SLC25A21: variants seen among roughly 807,000 people sequenced by gnomAD.
SLC25A21 encodes solute carrier family 25 member 21.
In SLC25A21, 47 loss-of-function variants were observed where a neutral mutation model predicts 43.8. That is an observed-to-expected ratio of 1.07 (90% CI 0.85 to 1.37). SLC25A21 has a LOEUF of 1.37. Among genes scored for constraint, SLC25A21 ranks in the 40% most tolerant of loss-of-function variants. The pLI, the probability that SLC25A21 is intolerant of heterozygous loss-of-function variation, is 0.00. For missense variants in SLC25A21, 352 were observed against 350.2 expected, an observed-to-expected ratio of 1.00 and a Z score of -0.04; for synonymous variants, 131 against 121.3, an observed-to-expected ratio of 1.08 and a Z score of -0.52.
At chr14:36,884,846 A>G (rs1420933024) in intron 1 of SLC25A21, among the ~76,000 whole-genome samples, 3 of 151,868 alleles carry the variant, frequency 2.0e-5, no homozygotes, top group Non-Finnish European at 4.4e-5. Flanking sequence ...CTATTATTTG[A>G]GTTCCTTATA....
At chr14:36,880,438 C>A (rs1890681893) in intron 1 of SLC25A21, among the ~76,000 whole-genome samples, 1 of 152,160 alleles carries the variant, frequency 6.6e-6, no homozygotes, top group African/African-American at 2.4e-5. Flanking sequence ...GAAACAGGAG[C>A]TCCCTGAACT....
chr14:36,952,053 A>G (rs113183768), intron 1 of SLC25A21, among the ~76,000 whole-genome samples: 10,321 of 151,926 alleles, frequency 0.068, 497 homozygotes, highest in Middle Eastern at 0.16. Context: ...GGCCAACATG[A>G]TGAAACCCCA....
At chr14:36,872,033 A>C (rs1482816093) in intron 2 of SLC25A21, among the ~76,000 whole-genome samples, 1 of 152,194 alleles carries the variant, frequency 6.6e-6, no homozygotes, top group Admixed American at 6.5e-5. Flanking sequence ...GAAAGATAGG[A>C]TTGTATTCAC....
At chr14:36,736,632 A>T (rs577011357) in intron 3 of SLC25A21, among the ~76,000 whole-genome samples, 1 of 152,074 alleles carries the variant, frequency 6.6e-6, no homozygotes, top group South Asian at 2.1e-4. Flanking sequence ...TAGGAAAAAA[A>T]AAATAAAGAG....
chr14:37,079,759 C>A (rs1049365125), intron 1 of SLC25A21, among the ~76,000 whole-genome samples: 3 of 152,190 alleles, frequency 2.0e-5, no homozygotes, highest in African/African-American at 7.2e-5. Flanking sequence ...TCAGTTGGAA[C>A]ATGCCATTAT....
intron 4 of SLC25A21, among the ~76,000 whole-genome samples, chr14:36,730,142 C>A (rs567630466): frequency 1.2e-4 from 19 of 152,278 alleles, no homozygotes; most frequent in Admixed American, 3.9e-4. Context: ...CTGTCCTCAA[C>A]CTGAATGAAG....
intron 1 of SLC25A21, among the ~76,000 whole-genome samples, chr14:36,982,771 G>A (rs778165393): frequency 2.0e-5 from 3 of 152,046 alleles, no homozygotes; most frequent in Middle Eastern, 3.4e-3. Flanking sequence ...CCAAAACGGC[G>A]ACACTGCACT....
chr14:37,139,844 T>A (rs911696626), intron 1 of SLC25A21, among the ~76,000 whole-genome samples: 1 of 152,230 alleles, frequency 6.6e-6, no homozygotes, highest in African/African-American at 2.4e-5. Context: ...GAGCATTTAA[T>A]TCACCAACAG....
chr14:37,013,767 C>CTTCTT, intron 1 of SLC25A21, among the ~76,000 whole-genome samples: 1 of 152,028 alleles, frequency 6.6e-6, no homozygotes, highest in African/African-American at 2.4e-5. Context: ...GCCTTCTTTC[C>CTTCTT]TTCTTTTCTT....
intron 1 of SLC25A21, among the ~76,000 whole-genome samples, chr14:36,991,345 T>C (rs576339231): frequency 1.3e-5 from 2 of 152,310 alleles, no homozygotes; most frequent in South Asian, 4.1e-4. Context: ...CTTTACATTC[T>C]GCCACGGTGA....
chr14:36,839,224 T>C (rs1184001500), intron 2 of SLC25A21, among the ~76,000 whole-genome samples: 2 of 152,192 alleles, frequency 1.3e-5, no homozygotes, highest in East Asian at 3.9e-4. Flanking sequence ...GAAATCCTCA[T>C]AGGATTAACA....
intron 2 of SLC25A21, among the ~76,000 whole-genome samples, chr14:36,840,093 T>C (rs952000287): frequency 3.3e-5 from 5 of 152,152 alleles, no homozygotes; most frequent in Non-Finnish European, 5.9e-5. Context: ...AGCACACAGG[T>C]GGCCTTCCAC....
At position 36,679,720 on chromosome 14, in the gene SLC25A21, C is replaced by A; in HGVS notation, c.*938G>T. The stretch of plus-strand genomic sequence containing the variant: ...CCTGAAAATGCAGTTCTGTTCTATA[C>A]ATTCTTCCTAAAAATGGCACAGGTA... On this transcript the variant is annotated 3_prime_UTR_variant, in exon 10 of 10. Coordinates refer to ENST00000331299, the MANE Select transcript of SLC25A21 (RefSeq NM_030631.4). The A allele has an allele frequency of 1.0e-6, 1 of 985,404 alleles. No individual in the cohort carries two copies. The highest frequency in any genetic ancestry group is 1.2e-6 in the Non-Finnish European group (1 of 829,916). 61.0% of individuals were successfully genotyped at this position (985,404 alleles called of 1,614,324 possible). A position where few individuals can be genotyped will look rare whatever the true frequency, so the allele number is the denominator to read the frequency against.
At position 36,813,985 on chromosome 14, in the gene SLC25A21, A is replaced by G. The variant is rs1377504379; in HGVS notation, c.136T>C (p.Cys46Arg). Reference protein sequence around the residue: ...VVKTRFQIQRCATDPNSYKSL... With the variant: ...VVKTRFQIQRRATDPNSYKSL... ...TTATAACTGTTTGGATCGGTTGCACATCTCTGAATCTGAAACCTAGAAGCA... is the reference window on the plus strand; with the variant it reads ...TTATAACTGTTTGGATCGGTTGCACGTCTCTGAATCTGAAACCTAGAAGCA... Residue 46 changes from cysteine to arginine, a missense_variant, in exon 3 of 10, where the codon TGT (cysteine) becomes CGT (arginine). Coordinates refer to ENST00000331299, the MANE Select transcript of SLC25A21 (RefSeq NM_030631.4). 1 of 1,603,358 alleles carries G rather than the reference A, an allele frequency of 6.2e-7. No individual in the cohort carries two copies. Among genetic ancestry groups the G allele is most frequent in the Non-Finnish European group, 8.5e-7 (1 of 1,177,548 alleles).
At chr14:37,028,977 C>T (rs1394634678) in intron 1 of SLC25A21, among the ~76,000 whole-genome samples, 1 of 152,170 alleles carries the variant, frequency 6.6e-6, no homozygotes. Flanking sequence ...CTAGTCCTTG[C>T]CAATTATTCT....
intron 3 of SLC25A21, among the ~76,000 whole-genome samples, chr14:36,799,927 A>C (rs904357332): frequency 1.3e-5 from 2 of 152,198 alleles, no homozygotes; most frequent in African/African-American, 4.8e-5. Flanking sequence ...TATTCCTCAA[A>C]TAACTTGATT....
intron 3 of SLC25A21, among the ~76,000 whole-genome samples, chr14:36,797,206 T>G (rs1341635659): frequency 1.3e-5 from 2 of 152,220 alleles, no homozygotes; most frequent in African/African-American, 2.4e-5. Flanking sequence ...AATAGTTTGA[T>G]TAGTTATTTT....
At chr14:36,829,663 G>C (rs1043856334) in intron 2 of SLC25A21, among the ~76,000 whole-genome samples, 2 of 152,132 alleles carry the variant, frequency 1.3e-5, no homozygotes, top group Non-Finnish European at 2.9e-5. Context: ...CCATATCACA[G>C]TTACAATTCT....
At chr14:36,704,730 T>C (rs886240398) in intron 7 of SLC25A21, among the ~76,000 whole-genome samples, 1 of 151,704 alleles carries the variant, frequency 6.6e-6, no homozygotes, top group Non-Finnish European at 1.5e-5. Context: ...AGTGAAAGCA[T>C]TACATGATAC....
Sources: allele counts gnomAD v4.1 joint callset (sites outside exome capture counted in the v4.1 genomes callset), GRCh38; gene constraint gnomAD v4.1.1; transcripts MANE v1.5; gene names NCBI Gene and HGNC (gene_info 2026-07-23, HGNC 2026-07-21).